The following PTBP3 variants were observed in gnomAD, a reference collection of about 807,000 sequenced individuals.
The protein encoded by PTBP3 is polypyrimidine tract binding protein 3.
In PTBP3, 20 loss-of-function variants were observed where a neutral mutation model predicts 58.7. The observed-to-expected ratio is 0.34, with a 90% CI of 0.24 to 0.50. The LOEUF (loss-of-function observed/expected upper bound fraction) is 0.50. Ranked by LOEUF, PTBP3 falls within the 20% of genes least tolerant of loss-of-function variation. PTBP3 has a pLI of 0.98. For missense variants in PTBP3, 509 were observed against 637.2 expected, an observed-to-expected ratio of 0.80 and a Z score of 2.17; for synonymous variants, 185 against 219.8, an observed-to-expected ratio of 0.84 and a Z score of 1.40.
chr9:112,279,009 A>T (rs2132221284), intron 2 of PTBP3, among the ~76,000 whole-genome samples: 1 of 152,288 alleles, frequency 6.6e-6, no homozygotes, highest in South Asian at 2.1e-4. Flanking sequence ...CATAATTAAG[A>T]ATTTGCCCCA....
intron 10 of PTBP3, among the ~76,000 whole-genome samples, chr9:112,229,907 G>A (rs1835135583): frequency 6.6e-6 from 1 of 152,102 alleles, no homozygotes; most frequent in African/African-American, 2.4e-5. Flanking sequence ...TATGAAACAT[G>A]CTTTGGCTAG....
chr9:112,353,135 G>T, the PTBP3 span, among the ~76,000 whole-genome samples: 1 of 151,054 alleles, frequency 6.6e-6, no homozygotes, highest in African/African-American at 2.4e-5. Flanking sequence ...TCCTGACCTC[G>T]AGTGATCCAC....
chr9:112,233,942 C>CAAAA (rs33920406), intron 8 of PTBP3, among the ~76,000 whole-genome samples: 41,810 of 149,916 alleles, frequency 0.28, 6,594 homozygotes, highest in South Asian at 0.41. Flanking sequence ...ACAACAACAA[C>CAAAA]AAAAAAAAGA....
intron 1 of PTBP3, among the ~76,000 whole-genome samples, chr9:112,331,994 G>A (rs1186334791): frequency 6.6e-6 from 1 of 152,136 alleles, no homozygotes; most frequent in Non-Finnish European, 1.5e-5. Context: ...CAGCCTGCCT[G>A]AACCAAAATA....
At chr9:112,327,513 T>C (rs1416611078) in intron 1 of PTBP3, among the ~76,000 whole-genome samples, 5 of 152,146 alleles carry the variant, frequency 3.3e-5, no homozygotes, top group African/African-American at 4.8e-5. Flanking sequence ...TGAGCCGAGA[T>C]TGCGCCACTG....
At chr9:112,353,830 C>T in the PTBP3 span, among the ~76,000 whole-genome samples, 3 of 151,918 alleles carry the variant, frequency 2.0e-5, no homozygotes, top group Non-Finnish European at 2.9e-5. Context: ...TGGTGGCTGG[C>T]GCCTGTAATC....
intron 8 of PTBP3, among the ~76,000 whole-genome samples, chr9:112,232,538 CCT>C (rs1835285892): frequency 6.6e-6 from 1 of 152,144 alleles, no homozygotes; most frequent in South Asian, 2.1e-4. Flanking sequence ...ACAAACACTC[CCT>C]CTGTTTCTTA....
At chr9:112,272,535 T>C (rs141812472) in intron 3 of PTBP3, 5 of 152,282 alleles carry the variant, frequency 3.3e-5, no homozygotes, top group African/African-American at 1.2e-4. Flanking sequence ...CAGAAGAACA[T>C]ATTTATTTAT....
At position 112,275,932 on chromosome 9, in the gene PTBP3, G is replaced by A. The variant is rs1564425886; in HGVS notation, c.116C>T (p.Pro39Leu). Residue 39 changes from proline to leucine, a missense_variant, in exon 3 of 14, where the codon CCA becomes CTA. By Grantham distance (98) the Pro-to-Leu change is moderately conservative. Transcript: ENST00000374257. ...GATCTCTGCTTCGGTGACATCACAT[G>A]GAATTTTTCGAAGATGGAGAACACG... ...PSRVLHLRKI[P>L]CDVTEAEIIS... 6.2e-7 allele frequency: 1 copy of A among 1,613,560 alleles called. No individual in the cohort carries two copies. The highest frequency in any genetic ancestry group is 8.5e-7 in the Non-Finnish European group (1 of 1,179,516).
chr9:112,267,990 T>C (rs1478789315), intron 4 of PTBP3, 59 bp downstream of exon 4: 7 of 1,486,760 alleles, frequency 4.7e-6, no homozygotes, highest in Middle Eastern at 1.8e-4. Context: ...CTGTAAAGTA[T>C]GTAAGTTATC....
intron 3 of PTBP3, among the ~76,000 whole-genome samples, chr9:112,272,209 G>A (rs143569672): frequency 6.6e-6 from 1 of 151,960 alleles, no homozygotes; most frequent in East Asian, 1.9e-4. Context: ...ACTACAGGTG[G>A]GTGCCGCCAC....
At chr9:112,357,431 G>A in the PTBP3 span, among the ~76,000 whole-genome samples, 1 of 152,104 alleles carries the variant, frequency 6.6e-6, no homozygotes, top group Non-Finnish European at 1.5e-5. Context: ...GCTCACTGCA[G>A]CCTCGACCTT....
At position 112,234,806 on chromosome 9, in the gene PTBP3, C is replaced by T; in HGVS notation, c.880+14G>A. On this transcript the variant is annotated intron_variant, in intron 8 of 13. Coordinates refer to ENST00000374257, the MANE Select transcript of PTBP3 (RefSeq NM_001163788.4). ...TCATTAAAAGTCATTTCAAATCCAA[C>T]TTAAAAGAATCACCTGTAGCTTGAG... The T allele has an allele frequency of 6.3e-7, 1 of 1,598,838 alleles. No individual in the cohort carries two copies. Among genetic ancestry groups the T allele is most frequent in the South Asian group, 1.1e-5 (1 of 90,676 alleles).
the PTBP3 span, among the ~76,000 whole-genome samples, chr9:112,368,051 G>C: frequency 6.6e-6 from 1 of 152,110 alleles, no homozygotes; most frequent in Non-Finnish European, 1.5e-5. Context: ...CTGGAGTGCA[G>C]TGGCACAATC....
intron 1 of PTBP3, among the ~76,000 whole-genome samples, chr9:112,329,401 G>T (rs4292764): frequency 0.82 from 124,662 of 151,816 alleles, 51,313 homozygotes; most frequent in South Asian, 0.92. Context: ...GGGCAACAGG[G>T]AGGCTCCGCC....
At chr9:112,335,442 C>G (rs1009080216), upstream of PTBP3, among the ~76,000 whole-genome samples, 2 of 151,556 alleles carry the variant, frequency 1.3e-5, no homozygotes, top group Non-Finnish European at 2.9e-5. Flanking sequence ...CCCGCCACCA[C>G]GCCTGGCTAG....
intron 3 of PTBP3, among the ~76,000 whole-genome samples, chr9:112,269,062 T>C (rs905193896): frequency 6.6e-6 from 1 of 151,862 alleles, no homozygotes; most frequent in Non-Finnish European, 1.5e-5. Flanking sequence ...CAGGAATGAT[T>C]GTCGGGTGCC....
upstream of PTBP3, among the ~76,000 whole-genome samples, chr9:112,336,482 T>A (rs997336511): frequency 1.3e-4 from 18 of 142,876 alleles, no homozygotes; most frequent in South Asian, 4.6e-4. Flanking sequence ...TTTCTTTATT[T>A]AAAAAAAAAA....
chr9:112,369,379 C>T, the PTBP3 span, among the ~76,000 whole-genome samples: 1 of 152,170 alleles, frequency 6.6e-6, no homozygotes, highest in Non-Finnish European at 1.5e-5. Flanking sequence ...GGTGGAGCTG[C>T]CCAAGACCAT....
Sources: allele counts gnomAD v4.1 joint callset (sites outside exome capture counted in the v4.1 genomes callset), GRCh38; gene constraint gnomAD v4.1.1; transcripts MANE v1.5; gene names NCBI Gene and HGNC (gene_info 2026-07-23, HGNC 2026-07-21).